CSMD1: variants seen among roughly 807,000 people sequenced by gnomAD.
CSMD1 encodes CUB and Sushi multiple domains 1, also known as CUB and sushi domain-containing protein 1.
In CSMD1, 213 loss-of-function variants were observed where a neutral mutation model predicts 417.5. The ratio of observed to expected loss-of-function variants is 0.51; its 90% CI spans 0.46 to 0.57. The LOEUF is 0.57. Ranked by LOEUF, CSMD1 falls within the 20% of genes least tolerant of loss-of-function variation. The pLI, the probability that CSMD1 is intolerant of heterozygous loss-of-function variation, is 0.00. For synonymous variants in CSMD1, 2,862 were observed against 1,736.8 expected, an observed-to-expected ratio of 1.65 and a Z score of -16.11; for missense variants, 6,923 against 4,529.7, an observed-to-expected ratio of 1.53 and a Z score of -15.17.
intron 3 of CSMD1, among the ~76,000 whole-genome samples, chr8:4,046,032 G>A (rs1023046422): frequency 6.6e-6 from 1 of 152,018 alleles, no homozygotes; most frequent in East Asian, 1.9e-4. Flanking sequence ...ATAAAATTTA[G>A]GACTCATGCA....
At chr8:3,979,351 G>A (rs1230317373) in intron 5 of CSMD1, among the ~76,000 whole-genome samples, 3 of 152,172 alleles carry the variant, frequency 2.0e-5, no homozygotes, top group East Asian at 1.9e-4. Context: ...CTGTTCTAAG[G>A]CATGAGAGAA....
At position 4,316,164 on chromosome 8, in the gene CSMD1, T is replaced by A. The variant is rs972324477; in HGVS notation, c.415+103789A>T. Among the ~76,000 whole-genome samples the A allele has an allele frequency of 2.0e-5, 3 of 152,288 alleles. No homozygotes were observed. In the East Asian group the frequency reaches 5.8e-4, roughly 29 times the overall value. On this transcript the variant is annotated intron_variant, in intron 3 of 69. Transcript: ENST00000635120. ...CAACAATCCAAATACTCCCTTTCAA[T>A]TATGTAGATTAGCTAAATTTCAAGA... is the stretch of plus-strand genomic sequence containing the variant.
rs147013234 is a variant in CSMD1 at position 3,095,374 on chromosome 8, G to A, written c.7138+1475C>T. Among the ~76,000 whole-genome samples, 518 of 152,068 alleles carry A rather than the reference G, an allele frequency of 3.4e-3. 3 individuals are homozygous for A. The highest frequency in any genetic ancestry group is 0.011 in the African/African-American group (454 of 41,500). ...AGAGAAACCCCATTTTTATACTTGC[G>A]TAATGAGTTACTTCTCTCTACTCTA... On this transcript the variant is annotated intron_variant, in intron 47 of 69. Coordinates refer to ENST00000635120, the MANE Select transcript of CSMD1 (RefSeq NM_033225.6).
chr8:4,170,167 G>C (rs1324342219), intron 3 of CSMD1, among the ~76,000 whole-genome samples: 1 of 151,894 alleles, frequency 6.6e-6, no homozygotes, highest in East Asian at 1.9e-4. Flanking sequence ...TTGTTGATAA[G>C]AGTGAAGGAC....
chr8:4,284,371 C>A (rs187521716), intron 3 of CSMD1, among the ~76,000 whole-genome samples: 3 of 137,490 alleles, frequency 2.2e-5, no homozygotes, highest in South Asian at 2.8e-4. Context: ...TACAACCCCC[C>A]CCACCCACCC....
chr8:3,114,300 G>A (rs1816721558), intron 42 of CSMD1, among the ~76,000 whole-genome samples: 1 of 151,912 alleles, frequency 6.6e-6, no homozygotes, highest in Non-Finnish European at 1.5e-5. Context: ...TTGAACGTTT[G>A]CTAAGAGACT....
In CSMD1 at chr8:2,937,807, T is replaced by A. The variant is rs1175875846; in HGVS notation, c.*778A>T. The A allele has an allele frequency of 6.5e-6, 1 of 152,674 alleles. No individual in the cohort carries two copies. Among genetic ancestry groups the A allele is most frequent in the Non-Finnish European group, 1.5e-5 (1 of 68,052 alleles). The allele number at this position is 152,674 out of a possible 1,614,324, so 9.5% of individuals were successfully genotyped here. ...CTTTTCCCTAACACTCCAACTAAGC[T>A]GATGGGGGAATGTTTAGCTTGATAA... On this transcript the variant is annotated 3_prime_UTR_variant, in exon 70 of 70. Coordinates refer to ENST00000635120, the MANE Select transcript of CSMD1 (RefSeq NM_033225.6).
At chr8:4,154,289 G>A (rs76380375) in intron 3 of CSMD1, among the ~76,000 whole-genome samples, 5 of 151,780 alleles carry the variant, frequency 3.3e-5, no homozygotes, top group African/African-American at 1.2e-4. Context: ...AAATAAATAA[G>A]ATGTTTCTGT....
At chr8:3,006,874 A>C (rs1807953588) in intron 52 of CSMD1, among the ~76,000 whole-genome samples, 1 of 141,504 alleles carries the variant, frequency 7.1e-6, no homozygotes, top group Admixed American at 6.7e-5. Context: ...CAAAGACTTC[A>C]TGTCTAAAAC....
chr8:3,830,968 A>G (rs951979074), intron 5 of CSMD1, among the ~76,000 whole-genome samples: 1 of 152,162 alleles, frequency 6.6e-6, no homozygotes. Flanking sequence ...ACCTAGGACG[A>G]TTAACACATG....
At chr8:3,736,031 G>T (rs887881458) in intron 6 of CSMD1, among the ~76,000 whole-genome samples, 1 of 151,852 alleles carries the variant, frequency 6.6e-6, no homozygotes, top group Admixed American at 6.6e-5. Flanking sequence ...AGAGGGAATA[G>T]AAATACAAAG....
intron 3 of CSMD1, among the ~76,000 whole-genome samples, chr8:4,032,309 G>A (rs1018696569): frequency 6.6e-6 from 1 of 152,150 alleles, no homozygotes; most frequent in Admixed American, 6.5e-5. Flanking sequence ...ACATCATAAA[G>A]TGTAAATAAA....
At position 3,408,137 on chromosome 8, in the gene CSMD1, G is replaced by A; in HGVS notation, c.1833C>T (p.Val611=). 6.2e-7 allele frequency: 1 copy of A among 1,613,498 alleles called. No homozygotes were observed. Among genetic ancestry groups the A allele is most frequent in the African/African-American group, 1.3e-5 (1 of 74,988 alleles). The part of the protein sequence containing the change: ...PEEYGNNMNC[V]WLIISEPGSR... ...TTCCTGGCTCCGAGATAATCAACCA[G>A]ACACAGTTCATGTTGTTCCCATATT... is the stretch of plus-strand genomic sequence containing the variant. The change falls in exon 14 of 70, where the codon GTC becomes GTT. Residue 611 remains valine (V), a synonymous_variant. Transcript: ENST00000635120.
At chr8:3,823,749 T>A (rs193255132) in intron 5 of CSMD1, among the ~76,000 whole-genome samples, 1 of 152,176 alleles carries the variant, frequency 6.6e-6, no homozygotes, top group Non-Finnish European at 1.5e-5. Context: ...AGTAAACTTA[T>A]ATGTTTTTCT....
At chr8:4,077,137 A>C (rs867878158) in intron 3 of CSMD1, among the ~76,000 whole-genome samples, 32 of 151,824 alleles carry the variant, frequency 2.1e-4, no homozygotes, top group African/African-American at 7.5e-4. Context: ...TGAAGTCAAG[A>C]AAGTTAAATG....
At chr8:3,446,641 G>A (rs1306129901) in intron 12 of CSMD1, among the ~76,000 whole-genome samples, 1 of 152,160 alleles carries the variant, frequency 6.6e-6, no homozygotes, top group African/African-American at 2.4e-5. Context: ...ACGCTGTTTG[G>A]GGAATCTAGT....
intron 3 of CSMD1, among the ~76,000 whole-genome samples, chr8:4,204,691 G>A (rs1006074760): frequency 6.6e-6 from 1 of 152,066 alleles, no homozygotes; most frequent in South Asian, 2.1e-4. Flanking sequence ...GTTTCACTCT[G>A]TCACCCAGGC....
chr8:3,811,979 T>G (rs1446935001), intron 5 of CSMD1, among the ~76,000 whole-genome samples: 1 of 152,224 alleles, frequency 6.6e-6, no homozygotes, highest in African/African-American at 2.4e-5. Flanking sequence ...AGTGTTTTTC[T>G]GAGATGCTTA....
chr8:4,765,109 T>C (rs1336387288), intron 1 of CSMD1, among the ~76,000 whole-genome samples: 1 of 152,068 alleles, frequency 6.6e-6, no homozygotes, highest in Non-Finnish European at 1.5e-5. Context: ...ATTCACTGGG[T>C]TCAAATCTTG....
Sources: gnomAD v4.1 joint callset for allele counts (sites outside exome capture counted in the v4.1 genomes callset) on GRCh38, gnomAD v4.1.1 for gene constraint, MANE v1.5 for transcripts, NCBI Gene and HGNC (gene_info 2026-07-23, HGNC 2026-07-21) for gene names.